The following CTSS variants were observed in gnomAD, a reference collection of about 807,000 sequenced individuals.
CTSS encodes cathepsin S.
CTSS carries 15 observed loss-of-function variants against 39.9 expected under a neutral mutation model. That is an observed-to-expected ratio of 0.38 (90% CI 0.25 to 0.58). The LOEUF (loss-of-function observed/expected upper bound fraction) is 0.58. Among genes scored for constraint, CTSS ranks in the 20% least tolerant of loss-of-function variants. The probability of loss-of-function intolerance (pLI) is 0.70; values close to 1 mark genes in which losing one functional copy is unlikely to be tolerated. For synonymous variants in CTSS, 126 were observed against 138.2 expected (o/e 0.91, Z 0.62); for missense variants, 250 against 398.2 (o/e 0.63, Z 3.17).
rs1652523654 is a variant in CTSS at position 150,731,623 on chromosome 1, C to T, written c.*1423G>A. 1 of 152,092 alleles carries T rather than the reference C, an allele frequency of 6.6e-6. No individual in the cohort carries two copies. Among genetic ancestry groups the T allele is most frequent in the Non-Finnish European group, 1.5e-5 (1 of 68,022 alleles). The allele number at this position is 152,092 out of a possible 1,614,324, so 9.4% of individuals were successfully genotyped here. A position where few individuals can be genotyped will look rare whatever the true frequency, so the allele number is the denominator to read the frequency against. ...ACATTGTTCATGTCATAGACATGAA[C>T]TTAAAAAATTTAAAGTTCCTGCTGC... On this transcript the variant is annotated 3_prime_UTR_variant, in exon 8 of 8. Transcript: ENST00000368985.
intron 2 of CTSS, among the ~76,000 whole-genome samples, chr1:150,758,746 C>A (rs918369582): frequency 1.3e-4 from 20 of 151,692 alleles, no homozygotes; most frequent in African/African-American, 4.8e-4. Flanking sequence ...GAGACTGGGT[C>A]TCCCTATGTT....
intron 7 of CTSS, among the ~76,000 whole-genome samples, chr1:150,739,975 C>T (rs1571093421): frequency 2.6e-5 from 4 of 152,202 alleles, no homozygotes; most frequent in African/African-American, 9.7e-5. Flanking sequence ...ACTACACATG[C>T]ACCTGCCTGT....
intron 6 of CTSS, 115 bp downstream of exon 6, chr1:150,749,891 G>C: frequency 1.2e-6 from 1 of 834,756 alleles, no homozygotes; most frequent in Admixed American, 2.9e-5. Context: ...CCAGGCTCAA[G>C]CAATCCTCCC....
At chr1:150,734,030 CTTT>C (rs1347618244) in intron 7 of CTSS, among the ~76,000 whole-genome samples, 1 of 142,106 alleles carries the variant, frequency 7.0e-6, no homozygotes. Flanking sequence ...GTATGGACAT[CTTT>C]TTTTTTTTTT....
intron 2 of CTSS, among the ~76,000 whole-genome samples, chr1:150,762,518 A>C (rs1380760308): frequency 6.6e-6 from 1 of 152,218 alleles, no homozygotes; most frequent in Admixed American, 6.5e-5. Context: ...AAATATTTGC[A>C]AATCATACAT....
chr1:150,746,906 T>A (rs920585608), intron 7 of CTSS, among the ~76,000 whole-genome samples: 1 of 151,992 alleles, frequency 6.6e-6, no homozygotes, highest in African/African-American at 2.4e-5. Flanking sequence ...CGAATGAAAC[T>A]CAGTAGAAGA....
chr1:150,762,177 A>C (rs1019326403), intron 2 of CTSS, among the ~76,000 whole-genome samples: 20 of 152,224 alleles, frequency 1.3e-4, no homozygotes, highest in African/African-American at 4.3e-4. Flanking sequence ...ACAATGGGGA[A>C]AGGATAGTCT....
chr1:150,739,656 C>G lies in CTSS; in HGVS notation c.897-6511G>C, dbSNP rs1239514587. Among the ~76,000 whole-genome samples, 3 of 138,878 alleles carry G rather than the reference C, an allele frequency of 2.2e-5. 1 individual carries two copies. The Admixed American group carries it at 2.4e-4, about 11-fold the overall frequency. 91.1% of individuals were successfully genotyped at this position (138,878 alleles called of 152,430 possible). On this transcript the variant is annotated intron_variant, in intron 7 of 7. Transcript: ENST00000368985. ...CTCCAGCCTGGGTGACAAAGTGAGA[C>G]CTGTCTCAACAACAACAACAACAAC...
At chr1:150,756,064 C>T (rs890577116) in intron 3 of CTSS, among the ~76,000 whole-genome samples, 3 of 152,120 alleles carry the variant, frequency 2.0e-5, no homozygotes, top group Non-Finnish European at 2.9e-5. Flanking sequence ...TCTTCTTTAT[C>T]ACCTTCTTCT....
At chr1:150,742,552 T>C (rs587638202) in intron 7 of CTSS, among the ~76,000 whole-genome samples, 1 of 152,298 alleles carries the variant, frequency 6.6e-6, no homozygotes, top group Non-Finnish European at 1.5e-5. Flanking sequence ...GCCAGGAGTT[T>C]GGACTTCATT....
At position 150,730,399 on chromosome 1, in the gene CTSS, A is replaced by C. The variant is rs1324941072; in HGVS notation, c.*2647T>G. On this transcript the variant is annotated 3_prime_UTR_variant, in exon 8 of 8. Transcript: ENST00000368985. The stretch of plus-strand genomic sequence containing the variant: ...GGGAAACTGAGAGGCCTGTTTGTTT[A>C]GATTCCTCTTTGTGTCCCTGTGCTT... The C allele has an allele frequency of 2.0e-5, 3 of 152,218 alleles. No homozygotes were observed. The highest frequency in any genetic ancestry group is 1.3e-4 in the Admixed American group (2 of 15,284). 9.4% of individuals were successfully genotyped at this position (152,218 alleles called of 1,614,324 possible).
At chr1:150,758,831 T>C (rs1357087899) in intron 2 of CTSS, among the ~76,000 whole-genome samples, 1 of 150,988 alleles carries the variant, frequency 6.6e-6, no homozygotes, top group African/African-American at 2.4e-5. Flanking sequence ...ATTATTGGTG[T>C]AAGCCACCGC....
intron 7 of CTSS, among the ~76,000 whole-genome samples, chr1:150,738,058 G>A (rs1478663316): frequency 6.6e-6 from 1 of 152,182 alleles, no homozygotes; most frequent in Non-Finnish European, 1.5e-5. Context: ...TTTATTCTGA[G>A]TGGGAAGGAA....
intron 6 of CTSS, among the ~76,000 whole-genome samples, chr1:150,749,023 T>G (rs1211941142): frequency 2.6e-5 from 4 of 152,238 alleles, no homozygotes; most frequent in Non-Finnish European, 1.5e-5. Context: ...GTGTTCTGAC[T>G]GATCCACGGA....
At chr1:150,743,179 G>C (rs587654644) in intron 7 of CTSS, among the ~76,000 whole-genome samples, 36 of 152,176 alleles carry the variant, frequency 2.4e-4, no homozygotes, top group African/African-American at 8.2e-4. Flanking sequence ...GGCTAAAGTT[G>C]ATGTAGCAAA....
intron 7 of CTSS, among the ~76,000 whole-genome samples, chr1:150,740,456 T>G (rs1652725840): frequency 1.3e-5 from 2 of 152,170 alleles, no homozygotes; most frequent in African/African-American, 4.8e-5. Flanking sequence ...AGTGGTGTGA[T>G]CTTGGCTCAC....
At chr1:150,762,935 A>G (rs1653294257) in intron 2 of CTSS, among the ~76,000 whole-genome samples, 1 of 152,152 alleles carries the variant, frequency 6.6e-6, no homozygotes, top group Non-Finnish European at 1.5e-5. Context: ...TGTCCCAAGG[A>G]AGCGCAATCA....
chr1:150,751,021 T>A (rs1255082111), intron 5 of CTSS, among the ~76,000 whole-genome samples: 1 of 152,138 alleles, frequency 6.6e-6, no homozygotes, highest in Non-Finnish European at 1.5e-5. Flanking sequence ...GTAGAAGGTT[T>A]TTGAGTGATA....
intron 7 of CTSS, among the ~76,000 whole-genome samples, chr1:150,742,349 T>C (rs1331446528): frequency 6.6e-6 from 1 of 152,248 alleles, no homozygotes; most frequent in Non-Finnish European, 1.5e-5. Context: ...TAGACAGCAT[T>C]GGACTTCACA....
Sources: allele counts gnomAD v4.1 joint callset (sites outside exome capture counted in the v4.1 genomes callset), GRCh38; gene constraint gnomAD v4.1.1; transcripts MANE v1.5; gene names NCBI Gene and HGNC (gene_info 2026-07-23, HGNC 2026-07-21).